The following RABGEF1 variants were observed in gnomAD, a reference collection of about 807,000 sequenced individuals.
The protein encoded by RABGEF1 is RAB guanine nucleotide exchange factor 1.
Under a neutral mutation model 57.3 loss-of-function variants are expected in RABGEF1, and 26 were observed. That is an observed-to-expected ratio of 0.45 (90% CI 0.33 to 0.63). The LOEUF (loss-of-function observed/expected upper bound fraction) is 0.63, where lower values mean the gene tolerates loss of function less well. Among genes scored for constraint, RABGEF1 ranks in the 20% least tolerant of loss-of-function variants. The pLI, the probability that RABGEF1 is intolerant of heterozygous loss-of-function variation, is 0.02. For synonymous variants in RABGEF1, 185 were observed against 210.7 expected, an observed-to-expected ratio of 0.88 and a Z score of 1.06; for missense variants, 464 against 607.6, an observed-to-expected ratio of 0.76 and a Z score of 2.48.
the RABGEF1 span, among the ~76,000 whole-genome samples, chr7:66,674,590 G>A: frequency 3.3e-5 from 5 of 152,162 alleles, no homozygotes; most frequent in African/African-American, 7.2e-5. Flanking sequence ...ATTCATGCAA[G>A]GGTATACTTA....
intron 6 of RABGEF1, 79 bp downstream of exon 6, chr7:66,797,585 T>C: frequency 6.8e-7 from 1 of 1,479,598 alleles, no homozygotes; most frequent in Non-Finnish European, 9.2e-7. Flanking sequence ...AATGCACCTG[T>C]GTTTCAAACC....
chr7:66,706,432 A>G (rs1388658974), intron 1 of RABGEF1, among the ~76,000 whole-genome samples: 1 of 152,088 alleles, frequency 6.6e-6, no homozygotes, highest in Non-Finnish European at 1.5e-5. Context: ...TTGTTTTTAG[A>G]CGGAGTCTCG....
chr7:66,677,633 G>A (rs978536261), upstream of RABGEF1, among the ~76,000 whole-genome samples: 1 of 151,952 alleles, frequency 6.6e-6, no homozygotes, highest in African/African-American at 2.4e-5. Context: ...TTGGTGGCGG[G>A]TGCCTGTAGT....
At chr7:66,754,972 C>T (rs549729748) in intron 1 of RABGEF1, among the ~76,000 whole-genome samples, 77 of 151,906 alleles carry the variant, frequency 5.1e-4, no homozygotes, top group Admixed American at 3.3e-3. Context: ...GCCAGGAGTT[C>T]GAGACCAGCC....
At chr7:66,807,174 C>T (rs145971603) in intron 8 of RABGEF1, among the ~76,000 whole-genome samples, 22 of 152,318 alleles carry the variant, frequency 1.4e-4, no homozygotes, top group African/African-American at 4.8e-4. Context: ...GCTTCTAGTG[C>T]CCTTGGCCTG....
upstream of RABGEF1, among the ~76,000 whole-genome samples, chr7:66,737,051 G>GGAGAGAGA (rs146350696): frequency 6.4e-5 from 8 of 124,964 alleles, no homozygotes; most frequent in East Asian, 2.7e-4. Context: ...ATATGAGGGG[G>GGAGAGAGA]GAGAGAGAGA....
chr7:66,688,505 A>G (rs1791048286), intron 1 of RABGEF1, among the ~76,000 whole-genome samples: 1 of 152,188 alleles, frequency 6.6e-6, no homozygotes, highest in South Asian at 2.1e-4. Context: ...TATATAGTGT[A>G]TTAGGCTGCA....
intron 1 of RABGEF1, among the ~76,000 whole-genome samples, chr7:66,742,512 T>C (rs1331985301): frequency 1.3e-5 from 2 of 152,174 alleles, no homozygotes; most frequent in African/African-American, 2.4e-5. Flanking sequence ...TTTCTGCATG[T>C]GTCTTGAAGA....
At chr7:66,778,403 G>A (rs1476940560) in intron 3 of RABGEF1, among the ~76,000 whole-genome samples, 1 of 152,214 alleles carries the variant, frequency 6.6e-6, no homozygotes, top group Non-Finnish European at 1.5e-5. Context: ...CTCAGTTAAA[G>A]TGTTTTAGTC....
At chr7:66,723,693 G>C (rs1796288152) in intron 2 of RABGEF1, among the ~76,000 whole-genome samples, 1 of 151,786 alleles carries the variant, frequency 6.6e-6, no homozygotes, top group Admixed American at 6.6e-5. Context: ...TGATTCTCCT[G>C]CCTCAGCCTC....
intron 6 of RABGEF1, among the ~76,000 whole-genome samples, chr7:66,798,110 C>G (rs1000059652): frequency 2.6e-5 from 4 of 152,144 alleles, no homozygotes; most frequent in African/African-American, 9.7e-5. Context: ...GAGCAAGACT[C>G]CTTCTCAAAA....
At chr7:66,749,664 A>T (rs1049707899) in intron 1 of RABGEF1, among the ~76,000 whole-genome samples, 2 of 151,910 alleles carry the variant, frequency 1.3e-5, no homozygotes, top group Non-Finnish European at 2.9e-5. Context: ...ACAAAGCAAG[A>T]CTCCATCTCT....
At chr7:66,795,974 A>G (rs35851021) in intron 5 of RABGEF1, among the ~76,000 whole-genome samples, 15,731 of 152,158 alleles carry the variant, frequency 0.1, 988 homozygotes, top group South Asian at 0.2. Flanking sequence ...CCCCGCCTCT[A>G]TTAAAAATAC....
At chr7:66,770,640 C>A (rs1417495094) in intron 1 of RABGEF1, among the ~76,000 whole-genome samples, 1 of 152,150 alleles carries the variant, frequency 6.6e-6, no homozygotes, top group Non-Finnish European at 1.5e-5. Context: ...TACACCATCA[C>A]TCCCAGCTAG....
rs970277867 is a variant in RABGEF1 at position 66,751,340 on chromosome 7, T to C, written c.-18+10548T>C. 1.2e-4 allele frequency among the ~76,000 whole-genome samples: 18 copies of C among 152,184 alleles called. 1 individual carries two copies. The highest frequency in any genetic ancestry group is 9.8e-4 in the Admixed American group (15 of 15,274). On this transcript the variant is annotated intron_variant, in intron 1 of 8. Transcript: ENST00000284957. ...GCCACCGTACCTGGCCTTCCCTCTT[T>C]TTTTCTGTTTTTAAAAACATACCAT...
intron 1 of RABGEF1, among the ~76,000 whole-genome samples, chr7:66,690,270 T>G (rs952720620): frequency 4.0e-5 from 6 of 151,410 alleles, no homozygotes; most frequent in South Asian, 2.1e-4. Context: ...CCGGCTAATT[T>G]TTGTATTTTT....
intron 1 of RABGEF1, among the ~76,000 whole-genome samples, chr7:66,685,524 A>G (rs192371051): frequency 2.6e-5 from 4 of 152,304 alleles, no homozygotes; most frequent in Admixed American, 6.5e-5. Flanking sequence ...AAGTGAATGT[A>G]TACTCATTTC....
intron 1 of RABGEF1, among the ~76,000 whole-genome samples, chr7:66,710,237 T>A (rs1448604600): frequency 6.6e-6 from 1 of 152,220 alleles, no homozygotes; most frequent in Non-Finnish European, 1.5e-5. Flanking sequence ...TTGCTAAGTA[T>A]TACCCCATTG....
chr7:66,795,990 G>T (rs1361643233), intron 5 of RABGEF1, among the ~76,000 whole-genome samples: 2 of 152,046 alleles, frequency 1.3e-5, no homozygotes, highest in Non-Finnish European at 2.9e-5. Flanking sequence ...AATACAAAAA[G>T]TAGCCGGGTG....
Sources: allele counts gnomAD v4.1 joint callset (sites outside exome capture counted in the v4.1 genomes callset), GRCh38; gene constraint gnomAD v4.1.1; transcripts MANE v1.5; gene names NCBI Gene and HGNC (gene_info 2026-07-23, HGNC 2026-07-21).